ABR: variants seen among roughly 807,000 people sequenced by gnomAD.
ABR encodes active breakpoint cluster region-related protein.
ABR carries 35 observed loss-of-function variants against 107.2 expected under a neutral mutation model. That is an observed-to-expected ratio of 0.33 (90% confidence interval 0.25 to 0.43). The LOEUF is 0.43. Among genes scored for constraint, ABR ranks in the 20% least tolerant of loss-of-function variants. The pLI, the probability that ABR is intolerant of heterozygous loss-of-function variation, is 1.00. For synonymous variants in ABR, 498 were observed against 462.0 expected (o/e 1.08, Z -1.00); for missense variants, 815 against 1,115.2 (o/e 0.73, Z 3.83).
At chr17:1,167,542 GC>G (rs1284484762) in intron 1 of ABR, among the ~76,000 whole-genome samples, 1 of 152,156 alleles carries the variant, frequency 6.6e-6, no homozygotes, top group Non-Finnish European at 1.5e-5. Flanking sequence ...AGAGGCCTGG[GC>G]CCCAACCTGA....
intron 6 of ABR, 106 bp from the exon 7 acceptor site, chr17:1,073,783 ACCCCT>A: frequency 1.0e-6 from 1 of 994,218 alleles, no homozygotes; most frequent in Non-Finnish European, 1.5e-6. Context: ...CCACGTGAAC[ACCCCT>A]CGAGGGACAC....
chr17:1,171,533 C>T (rs900152312), intron 1 of ABR, among the ~76,000 whole-genome samples: 11 of 152,314 alleles, frequency 7.2e-5, no homozygotes, highest in African/African-American at 2.6e-4. Context: ...CCAAGACTTC[C>T]TGGAGACCCT....
chr17:1,017,147 T>G (rs2071226415), intron 16 of ABR, among the ~76,000 whole-genome samples: 1 of 152,070 alleles, frequency 6.6e-6, no homozygotes. Flanking sequence ...GGGCACCTCT[T>G]CACACACGGG....
At chr17:1,064,203 G>A (rs1478338448) in intron 10 of ABR, among the ~76,000 whole-genome samples, 6 of 129,208 alleles carry the variant, frequency 4.6e-5, no homozygotes, top group Non-Finnish European at 6.8e-5. Flanking sequence ...CTGTTGTTAC[G>A]TGAACTGAGG....
chr17:1,161,504 C>T (rs1176965913), intron 1 of ABR, among the ~76,000 whole-genome samples: 1 of 151,856 alleles, frequency 6.6e-6, no homozygotes, highest in Non-Finnish European at 1.5e-5. Flanking sequence ...TCTCTGCCTC[C>T]CAAAGTGCTA....
At chr17:1,185,619 T>A (rs1325132025) in intron 1 of ABR, among the ~76,000 whole-genome samples, 1 of 131,474 alleles carries the variant, frequency 7.6e-6, no homozygotes, top group Non-Finnish European at 1.5e-5. Context: ...CACTCCAGCC[T>A]GGGTGACAGA....
chr17:1,206,958 G>C (rs1036036778), intron 1 of ABR, among the ~76,000 whole-genome samples: 1 of 152,098 alleles, frequency 6.6e-6, no homozygotes, highest in Admixed American at 6.6e-5. Context: ...GGTGGCATGC[G>C]CCTGTAATCC....
chr17:1,076,049 A>G (rs2035680291), intron 6 of ABR, among the ~76,000 whole-genome samples: 1 of 152,166 alleles, frequency 6.6e-6, no homozygotes, highest in Admixed American at 6.5e-5. Flanking sequence ...TTAAATAAAA[A>G]TAAATATAGA....
chr17:1,201,725 G>A (rs960645806), intron 1 of ABR, among the ~76,000 whole-genome samples: 3 of 152,106 alleles, frequency 2.0e-5, no homozygotes, highest in Non-Finnish European at 2.9e-5. Context: ...GCCCAGGCTG[G>A]TGTGCAGTGG....
chr17:1,152,046 T>C (rs2040817680), intron 1 of ABR, among the ~76,000 whole-genome samples: 1 of 149,800 alleles, frequency 6.7e-6, no homozygotes, highest in East Asian at 1.9e-4. Context: ...TCCCAGCACT[T>C]TGGGAGGCCA....
In ABR at chr17:1,091,335, G is replaced by A. The variant is rs559587251; in HGVS notation, c.531+330C>T. Among the ~76,000 whole-genome samples, 219 of 114,746 alleles carry A rather than the reference G, an allele frequency of 1.9e-3. 3 individuals are homozygous for A. The South Asian group carries it at 0.059, about 31-fold the overall frequency. 75.3% of individuals were successfully genotyped at this position (114,746 alleles called of 152,430 possible). A position where few individuals can be genotyped will look rare whatever the true frequency, so the allele number is the denominator to read the frequency against. On this transcript the variant is annotated intron_variant, in intron 4 of 22. Coordinates refer to ENST00000302538, the MANE Select transcript of ABR (RefSeq NM_021962.5). ...GAAAGACGGAGCACCCTCCGGGAGG[G>A]AGAAGGAGCACCCTCCGGGAGAGAG... is the stretch of plus-strand genomic sequence containing the variant.
At chr17:1,108,949 G>A (rs2038460052) in intron 2 of ABR, 2 of 1,594,978 alleles carry the variant, frequency 1.3e-6, no homozygotes, top group South Asian at 1.1e-5. Context: ...CAGCCACCAG[G>A]AAGGGGGACC....
rs2070506472 is a variant in ABR at position 1,011,190 on chromosome 17, A to C, written c.2102-327T>G. The stretch of plus-strand genomic sequence containing the variant: ...TCCGACTGGAACCTCTCCATCGCTA[A>C]GCCCCTCTCTGGAAGGCATTGCACA... On this transcript the variant is annotated intron_variant, in intron 19 of 22. Transcript: ENST00000302538. This position sits in a 1 kb window ranked among gnomAD's most constrained non-coding sequence, Gnocchi z 4.8. The C allele has an allele frequency of 2.9e-6, 1 of 343,528 alleles. No individual in the cohort carries two copies. Among genetic ancestry groups the C allele is most frequent in the African/African-American group, 2.1e-5 (1 of 47,510 alleles). The allele number at this position is 343,528 out of a possible 1,614,324, so 21.3% of individuals were successfully genotyped here. A position where few individuals can be genotyped will look rare whatever the true frequency, so the allele number is the denominator to read the frequency against.
At chr17:1,013,238 C>A (rs904628466) in intron 16 of ABR, 74 bp from the exon 17 acceptor site, 1 of 1,384,888 alleles carries the variant, frequency 7.2e-7, no homozygotes, top group Non-Finnish European at 1.0e-6. Context: ...TGGGTCAGCA[C>A]TGCTCAGAGC....
chr17:1,031,191 T>G (rs571113677), intron 16 of ABR, among the ~76,000 whole-genome samples: 23 of 152,046 alleles, frequency 1.5e-4, no homozygotes, highest in Non-Finnish European at 2.9e-4. Flanking sequence ...CAGACGGTGC[T>G]GCGGTCGGCG....
At chr17:1,048,509 G>T (rs1161172997) in intron 16 of ABR, among the ~76,000 whole-genome samples, 9 of 152,122 alleles carry the variant, frequency 5.9e-5, no homozygotes, top group Non-Finnish European at 1.0e-4. Context: ...GTTGTAGACG[G>T]AGCCATCGCA....
intron 1 of ABR, among the ~76,000 whole-genome samples, chr17:1,201,434 C>G (rs1407014118): frequency 6.6e-6 from 1 of 152,124 alleles, no homozygotes; most frequent in Non-Finnish European, 1.5e-5. Flanking sequence ...CACGCAGTAT[C>G]AGCTATTATC....
intron 6 of ABR, among the ~76,000 whole-genome samples, chr17:1,074,452 C>G (rs1402481570): frequency 6.6e-6 from 1 of 151,468 alleles, no homozygotes. Flanking sequence ...CCTGCAGAGT[C>G]TAGCACACCT....
chr17:1,198,295 G>A (rs751311787), intron 1 of ABR, among the ~76,000 whole-genome samples: 5 of 151,528 alleles, frequency 3.3e-5, no homozygotes, highest in South Asian at 4.1e-4. Context: ...GTCGGTACAC[G>A]TGGCACGTTG....
Sources: allele counts gnomAD v4.1 joint callset (sites outside exome capture counted in the v4.1 genomes callset), GRCh38; gene constraint gnomAD v4.1.1; non-coding constraint Gnocchi (gnomAD v3.1); transcripts MANE v1.5; gene names NCBI Gene and HGNC (gene_info 2026-07-23, HGNC 2026-07-21).